TBC1D5: variants seen among roughly 807,000 people sequenced by gnomAD.
TBC1D5 encodes TBC1 domain family member 5.
Under a neutral mutation model 100.3 loss-of-function variants are expected in TBC1D5, and 75 were observed. The observed-to-expected ratio is 0.75, with a 90% confidence interval of 0.62 to 0.91. The LOEUF (loss-of-function observed/expected upper bound fraction) is 0.91, where lower values mean the gene tolerates loss of function less well. Among genes scored for constraint, TBC1D5 ranks in the 40% least tolerant of loss-of-function variants. The pLI is 0.00. For missense variants in TBC1D5, 910 were observed against 942.4 expected (o/e 0.97, Z 0.45); for synonymous variants, 323 against 325.6 (o/e 0.99, Z 0.09).
intron 18 of TBC1D5, among the ~76,000 whole-genome samples, chr3:17,204,016 C>T (rs768640918): frequency 1.3e-5 from 2 of 152,194 alleles, no homozygotes; most frequent in African/African-American, 2.4e-5. Flanking sequence ...CCCCCTTTAT[C>T]AACAGGCCTA....
exon 6 of TBC1D5, chr3:17,404,918 C>T (rs1451263234): frequency 1.9e-6 from 3 of 1,600,660 alleles, no homozygotes; most frequent in Non-Finnish European, 2.6e-6. Flanking sequence ...TTCAATTCTA[C>T]TTATCCATTG....
intron 3 of TBC1D5, among the ~76,000 whole-genome samples, chr3:17,496,629 C>T (rs1268835242): frequency 2.6e-5 from 4 of 152,120 alleles, no homozygotes; most frequent in Non-Finnish European, 5.9e-5. Context: ...GCTGGAATTA[C>T]TTCACCATTA....
intron 1 of TBC1D5, among the ~76,000 whole-genome samples, chr3:17,676,530 T>C (rs922192712): frequency 6.6e-6 from 1 of 152,234 alleles, no homozygotes; most frequent in Non-Finnish European, 1.5e-5. Flanking sequence ...GAACATTCCA[T>C]GCTCTTGGAT....
chr3:17,422,333 A>C (rs1210085138), intron 4 of TBC1D5, among the ~76,000 whole-genome samples: 1 of 151,030 alleles, frequency 6.6e-6, no homozygotes, highest in Non-Finnish European at 1.5e-5. Flanking sequence ...CACACTGGCT[A>C]ATTTTGTTTT....
intron 1 of TBC1D5, among the ~76,000 whole-genome samples, chr3:17,669,807 C>T (rs1006383446): frequency 2.6e-5 from 4 of 152,162 alleles, no homozygotes; most frequent in African/African-American, 7.2e-5. Flanking sequence ...AAAAATGCAA[C>T]TCAATGAATA....
intron 13 of TBC1D5, among the ~76,000 whole-genome samples, chr3:17,321,332 C>A (rs1425114187): frequency 6.6e-6 from 1 of 152,194 alleles, no homozygotes; most frequent in East Asian, 1.9e-4. Flanking sequence ...CAGGTGTATG[C>A]CACTAGGCTC....
At chr3:17,485,431 C>A (rs1311104818) in intron 3 of TBC1D5, among the ~76,000 whole-genome samples, 1 of 150,882 alleles carries the variant, frequency 6.6e-6, no homozygotes, top group Non-Finnish European at 1.5e-5. Context: ...TGTGCTGCAC[C>A]CATTAACTCG....
chr3:17,600,704 GT>G (rs1316199125), intron 2 of TBC1D5, among the ~76,000 whole-genome samples: 1 of 151,940 alleles, frequency 6.6e-6, no homozygotes, highest in Admixed American at 6.6e-5. Flanking sequence ...TTTTCTTTAA[GT>G]TTAATATTTT....
intron 1 of TBC1D5, among the ~76,000 whole-genome samples, chr3:17,732,920 T>C (rs1254013568): frequency 6.6e-6 from 1 of 152,008 alleles, no homozygotes; most frequent in African/African-American, 2.4e-5. Flanking sequence ...GATCATGAAA[T>C]TTTGTAGTAG....
chr3:17,524,142 G>A (rs1349556189), intron 2 of TBC1D5, among the ~76,000 whole-genome samples: 7 of 152,008 alleles, frequency 4.6e-5, no homozygotes, highest in Admixed American at 1.3e-4. Flanking sequence ...TGCACGGAAC[G>A]GAATTTTATA....
chr3:17,699,389 G>T, intron 1 of TBC1D5, among the ~76,000 whole-genome samples: 1 of 115,342 alleles, frequency 8.7e-6, no homozygotes, highest in African/African-American at 3.1e-5. Flanking sequence ...TCTGGGGACT[G>T]TTGTGGGGTG....
chr3:17,602,908 A>T (rs1437318614), intron 2 of TBC1D5, among the ~76,000 whole-genome samples: 1 of 152,040 alleles, frequency 6.6e-6, no homozygotes, highest in Non-Finnish European at 1.5e-5. Context: ...TTCCTCACTT[A>T]AATCCTTAAA....
At chr3:17,452,055 C>T (rs566780409) in intron 3 of TBC1D5, among the ~76,000 whole-genome samples, 20 of 151,760 alleles carry the variant, frequency 1.3e-4, no homozygotes, top group South Asian at 6.3e-4. Context: ...TTTTTAATTG[C>T]GTGTTTGTTT....
intron 13 of TBC1D5, among the ~76,000 whole-genome samples, chr3:17,342,573 A>T (rs544368021): frequency 1.3e-5 from 2 of 152,366 alleles, no homozygotes; most frequent in South Asian, 4.1e-4. Context: ...CATATTAGCT[A>T]ATGTCAAGGC....
At chr3:17,563,877 GCTTC>G (rs2096575742) in intron 2 of TBC1D5, among the ~76,000 whole-genome samples, 1 of 152,186 alleles carries the variant, frequency 6.6e-6, no homozygotes, top group Middle Eastern at 3.2e-3. Flanking sequence ...CCGCCTCCTG[GCTTC>G]ACGCCATTCT....
chr3:17,229,433 G>A (rs1425840806), intron 17 of TBC1D5, among the ~76,000 whole-genome samples: 3 of 152,112 alleles, frequency 2.0e-5, no homozygotes, highest in African/African-American at 7.2e-5. Flanking sequence ...AAACGCTGTT[G>A]GATTGGGTAC....
At position 17,389,940 on chromosome 3, in the gene TBC1D5, A is replaced by AAGACAT. The variant is rs578206460; in HGVS notation, c.510-5931_510-5926dup. On this transcript the variant is annotated intron_variant, in intron 8 of 21. Coordinates refer to ENST00000253692, the Ensembl canonical transcript of TBC1D5. Reference sequence around the variant, plus strand: ...AATATTTTTTCTTCCTTTATTATCTAAGACATAATGAAAAAAATCCTTCAT... The same window carrying AAGACAT: ...AATATTTTTTCTTCCTTTATTATCTAAGACATAGACATAATGAAAAAAATCCTTCAT... 6.9e-3 allele frequency among the ~76,000 whole-genome samples: 1,043 copies of AAGACAT among 152,232 alleles called. 12 individuals carry two copies. Among genetic ancestry groups the AAGACAT allele is most frequent in the African/African-American group, 0.024 (1,001 of 41,564 alleles).
intron 2 of TBC1D5, among the ~76,000 whole-genome samples, chr3:17,535,886 T>C (rs2096276922): frequency 6.6e-6 from 1 of 151,946 alleles, no homozygotes; most frequent in Admixed American, 6.6e-5. Context: ...ATTATGGCAA[T>C]TACCAAAAAA....
At chr3:17,575,126 G>A (rs2096649773) in intron 2 of TBC1D5, 1 of 152,218 alleles carries the variant, frequency 6.6e-6, no homozygotes, top group Non-Finnish European at 1.5e-5. Context: ...GGAGATCTGA[G>A]ACTAGCCTAG....
Sources: gnomAD v4.1 joint callset for allele counts (sites outside exome capture counted in the v4.1 genomes callset) on GRCh38, gnomAD v4.1.1 for gene constraint, MANE v1.5 for transcripts, NCBI Gene and HGNC (gene_info 2026-07-23, HGNC 2026-07-21) for gene names.